The following CR1 variants were observed in gnomAD, a reference collection of about 807,000 sequenced individuals.
CR1 encodes complement C3b/C4b receptor 1 (Knops blood group).
A neutral mutation model predicts 187.3 loss-of-function variants in CR1; 116 were observed. The observed-to-expected ratio is 0.62, with a 90% CI of 0.53 to 0.72. The LOEUF is 0.72. Ranked by LOEUF, CR1 falls within the 30% of genes least tolerant of loss-of-function variation. CR1 has a pLI of 0.00. For synonymous variants in CR1, 576 were observed against 747.1 expected (o/e 0.77, Z 3.73); for missense variants, 1,731 against 2,110.7 (o/e 0.82, Z 3.52).
In CR1 at chr1:207,607,348, T is replaced by C; in HGVS notation, c.5896+12T>C. The C allele has an allele frequency of 1.3e-6, 2 of 1,592,174 alleles. No individual in the cohort carries two copies. The highest frequency in any genetic ancestry group is 1.7e-6 in the Non-Finnish European group (2 of 1,160,154). On this transcript the variant is annotated intron_variant, in intron 36 of 46. Coordinates refer to ENST00000367049, the MANE Select transcript of CR1 (RefSeq NM_000651.6). ...ACCTATTTGTGAGAGTAAGTTGAAA[T>C]ACTTTTCTCCACAAATTCCTCTGTG...
Position 207,639,886 on chromosome 1 carries a change from C to T in CR1, c.*477C>T, listed in dbSNP as rs762217697. ...TCCTAATATTTTGATTCATTTTCTG[C>T]CTATCTTCTTTCACATATGTGTTTT... On this transcript the variant is annotated 3_prime_UTR_variant, in exon 47 of 47. Coordinates refer to ENST00000367049, the MANE Select transcript of CR1 (RefSeq NM_000651.6). 1 of 152,978 alleles carries T rather than the reference C, an allele frequency of 6.5e-6. No individual in the cohort carries two copies. The highest frequency in any genetic ancestry group is 1.5e-5 in the Non-Finnish European group (1 of 68,700). The allele number at this position is 152,978 out of a possible 1,614,324, so 9.5% of individuals were successfully genotyped here. A position where few individuals can be genotyped will look rare whatever the true frequency, so the allele number is the denominator to read the frequency against.
At chr1:207,635,401 A>G (rs1662782459) in intron 46 of CR1, among the ~76,000 whole-genome samples, 1 of 152,196 alleles carries the variant, frequency 6.6e-6, no homozygotes, top group African/African-American at 2.4e-5. Flanking sequence ...TAAACAAGGT[A>G]AAGAATTAAC....
At chr1:207,506,116 A>C in intron 2 of CR1, 33 bp downstream of exon 2, 1 of 1,602,616 alleles carries the variant, frequency 6.2e-7, no homozygotes, top group Non-Finnish European at 8.5e-7. Flanking sequence ...CCCCCCTGTT[A>C]GTCAAACATC....
chr1:207,617,960 G>A, intron 41 of CR1, 111 bp from the exon 42 acceptor site: 1 of 1,203,842 alleles, frequency 8.3e-7, no homozygotes. Flanking sequence ...CTGGCTGGTT[G>A]AGGTCTTCAT....
chr1:207,597,111 C>G (rs1000791129), intron 35 of CR1, among the ~76,000 whole-genome samples: 1 of 145,932 alleles, frequency 6.9e-6, no homozygotes, highest in African/African-American at 2.6e-5. Flanking sequence ...TTTTATATTA[C>G]AAAATATACT....
intron 46 of CR1, among the ~76,000 whole-genome samples, chr1:207,639,021 C>A (rs1419621678): frequency 6.6e-6 from 1 of 152,220 alleles, no homozygotes; most frequent in East Asian, 1.9e-4. Context: ...CCCTGAGGAA[C>A]AAAGGGCTGA....
intron 27 of CR1, among the ~76,000 whole-genome samples, chr1:207,574,669 C>T (rs1660682616): frequency 6.6e-6 from 1 of 151,928 alleles, no homozygotes; most frequent in Non-Finnish European, 1.5e-5. Flanking sequence ...TGTGAGACAG[C>T]AAGAAAAGGT....
rs773718302 is a variant in CR1, at chr1:207,567,828, C to G, written c.3957C>G (p.Ile1319Met). 6.2e-7 allele frequency: 1 copy of G among 1,611,050 alleles called. No individual in the cohort carries two copies. The highest frequency in any genetic ancestry group is 1.1e-5 in the South Asian group (1 of 91,038). The change falls in exon 25 of 47, where the codon ATC (isoleucine) becomes ATG (methionine). Residue 1319 changes from isoleucine (I) to methionine (M), a missense_variant. Ile to Met is a conservative substitution (Grantham distance 10). Transcript: ENST00000367049. ...WNSSVPVCEQ[I>M]FCPSPPVIPN... is the part of the protein sequence containing the mutation. ...GAGCTTTTGTATGTTTTCTAGAAAT[C>G]TTTTGTCCAAGTCCTCCAGTTATTC...
intron 39 of CR1, among the ~76,000 whole-genome samples, chr1:207,612,424 C>T (rs1036273165): frequency 6.6e-6 from 1 of 152,220 alleles, no homozygotes; most frequent in African/African-American, 2.4e-5. Context: ...TAGAGGTTGT[C>T]TTAAGAAACT....
chr1:207,588,940 G>T (rs544979579), intron 35 of CR1, among the ~76,000 whole-genome samples, 166 bp downstream of exon 35: 9 of 152,204 alleles, frequency 5.9e-5, no homozygotes, highest in African/African-American at 2.2e-4. Flanking sequence ...ATGATCAAAG[G>T]AATACAAAAA....
chr1:207,634,258 A>G (rs1161222761), intron 46 of CR1, among the ~76,000 whole-genome samples: 2 of 152,206 alleles, frequency 1.3e-5, no homozygotes, highest in Non-Finnish European at 2.9e-5. Context: ...CTTACATCAA[A>G]GTACACCTCA....
At chr1:207,636,299 G>A (rs149308044) in intron 46 of CR1, among the ~76,000 whole-genome samples, 3,664 of 152,040 alleles carry the variant, frequency 0.024, 155 homozygotes, top group African/African-American at 0.084. Flanking sequence ...TCAGTTCCTG[G>A]CACCAAATTT....
chr1:207,517,681 T>A (rs1305996849), intron 4 of CR1, among the ~76,000 whole-genome samples: 1 of 152,150 alleles, frequency 6.6e-6, no homozygotes, highest in Non-Finnish European at 1.5e-5. Context: ...CTTTAATAGC[T>A]GTAAAACTAT....
At position 207,567,855 on chromosome 1, in the gene CR1, T is replaced by C. The variant is rs1368353108; in HGVS notation, c.3984T>C (p.Pro1328=). The change falls in exon 25 of 47, where the codon CCT becomes CCC. Residue 1328 remains proline (P), a synonymous_variant. Coordinates refer to ENST00000367049, the MANE Select transcript of CR1 (RefSeq NM_000651.6). ...TTTGTCCAAGTCCTCCAGTTATTCC[T>C]AATGGGAGACACACAGGAAAACCTC... is the stretch of plus-strand genomic sequence containing the variant. ...QIFCPSPPVI[P]NGRHTGKPLE... 1 of 1,611,094 alleles carries C rather than the reference T, an allele frequency of 6.2e-7. No homozygotes were observed. The highest frequency in any genetic ancestry group is 1.1e-5 in the South Asian group (1 of 91,046).
At chr1:207,518,648 CGTT>C (rs1450225786) in intron 4 of CR1, among the ~76,000 whole-genome samples, 32 of 152,186 alleles carry the variant, frequency 2.1e-4, no homozygotes, top group African/African-American at 6.8e-4. Context: ...TGCTGGCAAT[CGTT>C]GATGTTCCTT....
intron 46 of CR1, among the ~76,000 whole-genome samples, chr1:207,631,946 A>G (rs2102415841): frequency 6.6e-6 from 1 of 152,346 alleles, no homozygotes; most frequent in Middle Eastern, 3.4e-3. Context: ...TGTTACACCT[A>G]CATACATCAG....
At chr1:207,618,693 G>A (rs1291949029) in intron 42 of CR1, among the ~76,000 whole-genome samples, 1 of 152,166 alleles carries the variant, frequency 6.6e-6, no homozygotes, top group African/African-American at 2.4e-5. Flanking sequence ...TGTGCTTGAA[G>A]ATGAAGGATG....
At chr1:207,521,615 G>T (rs1571516488) in intron 4 of CR1, among the ~76,000 whole-genome samples, 1 of 135,296 alleles carries the variant, frequency 7.4e-6, no homozygotes, top group Non-Finnish European at 1.6e-5. Context: ...TTCCAAATCT[G>T]CCCTCTTCCT....
intron 29 of CR1, among the ~76,000 whole-genome samples, chr1:207,579,715 T>C (rs1660878051): frequency 6.6e-6 from 1 of 152,228 alleles, no homozygotes; most frequent in Admixed American, 6.5e-5. Flanking sequence ...GGAACCCTTA[T>C]GTTGCTGACT....
Sources: allele counts gnomAD v4.1 joint callset (sites outside exome capture counted in the v4.1 genomes callset), GRCh38; gene constraint gnomAD v4.1.1; transcripts MANE v1.5; gene names NCBI Gene and HGNC (gene_info 2026-07-23, HGNC 2026-07-21).